The following MAP3K8 variants were observed in gnomAD, a reference collection of about 807,000 sequenced individuals.
The protein encoded by MAP3K8 is Ewing sarcoma transformant.
A neutral mutation model predicts 45.8 loss-of-function variants in MAP3K8; 22 were observed. The ratio of observed to expected loss-of-function variants is 0.48; its 90% CI spans 0.34 to 0.69. The LOEUF (loss-of-function observed/expected upper bound fraction) is 0.69, where lower values mean the gene tolerates loss of function less well. MAP3K8 is among the 30% of genes least tolerant of loss of function. The pLI, the probability that MAP3K8 is intolerant of heterozygous loss-of-function variation, is 0.01. For missense variants in MAP3K8, 419 were observed against 585.0 expected (o/e 0.72, Z 2.93); for synonymous variants, 223 against 214.3 (o/e 1.04, Z -0.36).
intron 2 of MAP3K8, among the ~76,000 whole-genome samples, chr10:30,438,205 A>G (rs571208265): frequency 6.6e-6 from 1 of 152,342 alleles, no homozygotes; most frequent in East Asian, 1.9e-4. Flanking sequence ...CTATTAAAGA[A>G]TTCTGGTCCT....
chr10:30,440,034 C>T (rs1044562769), intron 3 of MAP3K8, among the ~76,000 whole-genome samples: 2 of 152,206 alleles, frequency 1.3e-5, no homozygotes, highest in African/African-American at 4.8e-5. Context: ...CAGTAAATAG[C>T]TATCCACAGA....
chr10:30,452,865 A>T (rs544744315), intron 6 of MAP3K8, among the ~76,000 whole-genome samples: 1 of 149,404 alleles, frequency 6.7e-6, no homozygotes, highest in Non-Finnish European at 1.5e-5. Flanking sequence ...TTCAGTAGAG[A>T]TGCAGGTTTC....
intron 3 of MAP3K8, among the ~76,000 whole-genome samples, chr10:30,442,385 G>A (rs543164494): frequency 2.4e-4 from 37 of 152,338 alleles, no homozygotes; most frequent in African/African-American, 8.7e-4. Flanking sequence ...CAGGGTCCAG[G>A]TGGAGAAAAC....
At chr10:30,444,176 C>G (rs1836225163) in intron 3 of MAP3K8, among the ~76,000 whole-genome samples, 1 of 149,602 alleles carries the variant, frequency 6.7e-6, no homozygotes, top group Non-Finnish European at 1.5e-5. Context: ...GGTGACAGAG[C>G]AAGACCCTGT....
Position 30,438,711 on chromosome 10 carries a change from A to T in MAP3K8, c.-23-205A>T, listed in dbSNP as rs7910678. 8.0e-3 allele frequency: 3,433 copies of T among 426,976 alleles called. 107 individuals are homozygous for T. Among genetic ancestry groups the T allele is most frequent in the African/African-American group, 0.061 (3,085 of 50,904 alleles). The allele number at this position is 426,976 out of a possible 1,614,324, so 26.4% of individuals were successfully genotyped here. A position where few individuals can be genotyped will look rare whatever the true frequency, so the allele number is the denominator to read the frequency against. The stretch of plus-strand genomic sequence containing the variant: ...CTCTGGATCTCAGGTTTCCCTCTGC[A>T]AAGTGAGCTGGACTAAAGGTTATCT... On this transcript the variant is annotated intron_variant, in intron 2 of 8. Coordinates refer to ENST00000263056, the MANE Select transcript of MAP3K8 (RefSeq NM_005204.4).
intron 7 of MAP3K8, among the ~76,000 whole-genome samples, chr10:30,458,919 T>TA (rs953390635): frequency 1.3e-5 from 2 of 151,798 alleles, no homozygotes; most frequent in Admixed American, 6.6e-5. Flanking sequence ...TACAAAAAAT[T>TA]AAAAAAATTA....
rs1836486445 is a variant in MAP3K8 at position 30,450,161 on chromosome 10, A to G, written c.505-97A>G. ...CACAGGGCAGAGTATTCTTGAGGGCATTTATTTGCCTTTTGTTTTTTGCAT... is the reference window on the plus strand; with the variant it reads ...CACAGGGCAGAGTATTCTTGAGGGCGTTTATTTGCCTTTTGTTTTTTGCAT... On this transcript the variant is annotated intron_variant, in intron 4 of 8. Transcript: ENST00000263056. 18 of 1,181,172 alleles carry G rather than the reference A, an allele frequency of 1.5e-5. No individual in the cohort carries two copies. In the South Asian group the frequency reaches 2.8e-4, roughly 18 times the overall value. The allele number at this position is 1,181,172 out of a possible 1,614,324, so 73.2% of individuals were successfully genotyped here.
chr10:30,457,804 G>A (rs1370070630), intron 6 of MAP3K8, among the ~76,000 whole-genome samples: 1 of 152,082 alleles, frequency 6.6e-6, no homozygotes, highest in African/African-American at 2.4e-5. Context: ...CCATCACCAT[G>A]CCCAGCTGAT....
chr10:30,448,000 TTTTG>T (rs775640248), intron 4 of MAP3K8, 51 bp downstream of exon 4: 1 of 1,517,666 alleles, frequency 6.6e-7, no homozygotes, highest in Non-Finnish European at 8.9e-7. Flanking sequence ...GCATTCTGGC[TTTTG>T]TTTTTTTGTC....
chr10:30,453,510 C>T (rs917700503), intron 6 of MAP3K8, among the ~76,000 whole-genome samples: 1 of 152,110 alleles, frequency 6.6e-6, no homozygotes, highest in African/African-American at 2.4e-5. Context: ...CTGAAAAATG[C>T]GTTCGCGGGC....
At chr10:30,455,247 G>A (rs972036309) in intron 6 of MAP3K8, among the ~76,000 whole-genome samples, 15 of 152,282 alleles carry the variant, frequency 9.9e-5, no homozygotes, top group African/African-American at 3.6e-4. Flanking sequence ...AATGAACAAA[G>A]TTGTGAAGTG....
intron 3 of MAP3K8, chr10:30,439,581 G>A: frequency 2.1e-6 from 1 of 481,308 alleles, no homozygotes; most frequent in Non-Finnish European, 3.6e-6. Flanking sequence ...AGGCCGAGGT[G>A]GGTGGATCAC....
chr10:30,452,511 T>C (rs1028264420), intron 6 of MAP3K8, among the ~76,000 whole-genome samples: 4 of 151,490 alleles, frequency 2.6e-5, no homozygotes, highest in Non-Finnish European at 5.9e-5. Context: ...TACACGCCTG[T>C]AGTCTCAGCT....
chr10:30,451,876 G>T, intron 6 of MAP3K8, 132 bp downstream of exon 6: 1 of 512,240 alleles, frequency 2.0e-6, no homozygotes, highest in South Asian at 3.5e-5. Context: ...ATTTTCCTTG[G>T]AACACATTTA....
intron 6 of MAP3K8, among the ~76,000 whole-genome samples, chr10:30,456,733 G>A (rs75757261): frequency 6.6e-6 from 1 of 152,104 alleles, no homozygotes; most frequent in African/African-American, 2.4e-5. Flanking sequence ...AAGATGGGGG[G>A]TCTCCATCTT....
intron 6 of MAP3K8, among the ~76,000 whole-genome samples, chr10:30,452,469 CAA>C (rs796836376): frequency 5.2e-5 from 7 of 134,970 alleles, no homozygotes; most frequent in African/African-American, 1.1e-4. Flanking sequence ...AACTCCATCT[CAA>C]AAAAAAAAAA....
chr10:30,459,671 T>TA (rs1564375334), intron 8 of MAP3K8, among the ~76,000 whole-genome samples, 170 bp downstream of exon 8: 2 of 152,096 alleles, frequency 1.3e-5, no homozygotes, highest in Non-Finnish European at 2.9e-5. Flanking sequence ...TTTTTTTTTT[T>TA]AAATTGGCTA....
chr10:30,436,342 CTGGTCAGCAGGGT>C, intron 1 of MAP3K8, among the ~76,000 whole-genome samples: 1 of 152,188 alleles, frequency 6.6e-6, no homozygotes, highest in African/African-American at 2.4e-5. Flanking sequence ...AGCAGGCGAA[CTGGTCAGCAGGGT>C]TTCTGGGGAA....
intron 3 of MAP3K8, among the ~76,000 whole-genome samples, chr10:30,446,071 A>G (rs1417749954): frequency 3.8e-4 from 7 of 18,316 alleles, no homozygotes; most frequent in Non-Finnish European, 5.8e-4. Flanking sequence ...AAGTTTTAAA[A>G]AAATAGAAAT....
Sources: allele counts gnomAD v4.1 joint callset (sites outside exome capture counted in the v4.1 genomes callset), GRCh38; gene constraint gnomAD v4.1.1; transcripts MANE v1.5; gene names NCBI Gene and HGNC (gene_info 2026-07-23, HGNC 2026-07-21).